SLIT1: variants seen among roughly 807,000 people sequenced by gnomAD.
SLIT1 encodes the protein slit guidance ligand 1.
Under a neutral mutation model 186.1 loss-of-function variants are expected in SLIT1, and 66 were observed. The observed-to-expected ratio is 0.35, with a 90% CI of 0.29 to 0.44. The LOEUF (loss-of-function observed/expected upper bound fraction) is 0.44, where lower values mean the gene tolerates loss of function less well. Among genes scored for constraint, SLIT1 ranks in the 20% least tolerant of loss-of-function variants. SLIT1 has a pLI of 1.00. For synonymous variants in SLIT1, 761 were observed against 833.8 expected (o/e 0.91, Z 1.50); for missense variants, 1,638 against 2,037.4 (o/e 0.80, Z 3.77).
Position 97,004,033 on chromosome 10 carries a change from C to A in SLIT1, c.3865+35G>T. ...CTCTCCTGGCTGGCCTCAGGCCAGA[C>A]AGCAAAAGAGGCCCCGCCAGGGCCA... is the stretch of plus-strand genomic sequence containing the variant. On this transcript the variant is annotated intron_variant, in intron 34 of 36. Coordinates refer to ENST00000266058, the MANE Select transcript of SLIT1 (RefSeq NM_003061.3). The surrounding 1 kb of genome is among the most constrained non-coding windows in gnomAD (Gnocchi z 5.1). The A allele has an allele frequency of 6.3e-7, 1 of 1,577,778 alleles. No individual in the cohort carries two copies. The highest frequency in any genetic ancestry group is 8.7e-7 in the Non-Finnish European group (1 of 1,153,858).
intron 1 of SLIT1, among the ~76,000 whole-genome samples, chr10:97,175,464 C>T (rs1023254960): frequency 3.3e-5 from 5 of 152,074 alleles, no homozygotes; most frequent in Admixed American, 1.3e-4. Context: ...TTTGAGGAAC[C>T]GCCATACTGT....
intron 4 of SLIT1, among the ~76,000 whole-genome samples, chr10:97,140,509 C>A (rs964970910): frequency 1.2e-4 from 19 of 152,220 alleles, no homozygotes; most frequent in African/African-American, 4.3e-4. Context: ...TTGCCTGGAG[C>A]CCCTCATTCT....
At chr10:97,099,622 G>A (rs530671399) in intron 4 of SLIT1, among the ~76,000 whole-genome samples, 1 of 152,186 alleles carries the variant, frequency 6.6e-6, no homozygotes. Context: ...GTGTGTGTCA[G>A]GTGTGCAGGG....
chr10:97,165,899 G>A (rs761111664), intron 1 of SLIT1, among the ~76,000 whole-genome samples: 5 of 151,880 alleles, frequency 3.3e-5, no homozygotes, highest in Non-Finnish European at 5.9e-5. Flanking sequence ...ACCCAGCCTC[G>A]CTCAGCCTCA....
At chr10:97,185,395 GC>G (rs1297089604) in intron 1 of SLIT1, 82 bp downstream of exon 1, 26 of 1,385,224 alleles carry the variant, frequency 1.9e-5, no homozygotes, top group Non-Finnish European at 2.2e-5. Context: ...CAATGGTCCT[GC>G]CCCCACCCCC....
chr10:97,071,320 C>T (rs896751641), intron 4 of SLIT1, among the ~76,000 whole-genome samples: 29 of 152,224 alleles, frequency 1.9e-4, no homozygotes, highest in Admixed American at 1.2e-3. Flanking sequence ...GGCCTGAGGA[C>T]GTCCACAGAG....
chr10:97,115,053 A>C (rs1209054508), intron 4 of SLIT1, among the ~76,000 whole-genome samples: 3 of 152,226 alleles, frequency 2.0e-5, no homozygotes, highest in Non-Finnish European at 4.4e-5. Flanking sequence ...GTAGATGCTC[A>C]GCAAATAGCA....
intron 1 of SLIT1, among the ~76,000 whole-genome samples, chr10:97,169,232 GCTCT>G (rs1418301110): frequency 7.9e-5 from 12 of 152,160 alleles, no homozygotes; most frequent in African/African-American, 2.9e-4. Context: ...CATCAGCCTT[GCTCT>G]CTAACGCAGA....
chr10:97,133,084 C>CAA (rs1261779121), intron 4 of SLIT1, among the ~76,000 whole-genome samples: 1 of 152,166 alleles, frequency 6.6e-6, no homozygotes, highest in East Asian at 1.9e-4. Flanking sequence ...AGCTTTATCA[C>CAA]AAGAGCCAGA....
At chr10:97,178,775 AAG>A (rs893153649) in intron 1 of SLIT1, among the ~76,000 whole-genome samples, 1 of 112,050 alleles carries the variant, frequency 8.9e-6, no homozygotes, top group Non-Finnish European at 1.9e-5. Flanking sequence ...CGATAGAGAG[AAG>A]AGAGAGAGAG....
At chr10:97,140,680 G>C (rs79622710) in intron 4 of SLIT1, among the ~76,000 whole-genome samples, 3 of 152,316 alleles carry the variant, frequency 2.0e-5, no homozygotes, top group Non-Finnish European at 4.4e-5. Flanking sequence ...GACTTCAAAG[G>C]GGGAAATGAG....
At chr10:97,042,304 C>T (rs1848697002) in intron 20 of SLIT1, among the ~76,000 whole-genome samples, 1 of 152,140 alleles carries the variant, frequency 6.6e-6, no homozygotes, top group Admixed American at 6.5e-5. Flanking sequence ...GAGAAATTCC[C>T]TGCGGCAGGG....
intron 31 of SLIT1, among the ~76,000 whole-genome samples, chr10:97,007,627 T>C (rs1848371564): frequency 6.6e-6 from 1 of 152,136 alleles, no homozygotes. Flanking sequence ...AATGCAAGGC[T>C]GGTTTGACCT....
chr10:97,033,788 C>G (rs548278221), intron 23 of SLIT1, among the ~76,000 whole-genome samples: 1 of 151,528 alleles, frequency 6.6e-6, no homozygotes, highest in South Asian at 2.1e-4. Context: ...AAAGTCAGGA[C>G]AGCAGCTGCC....
rs147390423 is a variant in SLIT1, at chr10:97,174,863, T to A, written c.198-9973A>T. Among the ~76,000 whole-genome samples, 594 of 152,272 alleles carry A rather than the reference T, an allele frequency of 3.9e-3. 1 individual carries two copies. Among genetic ancestry groups the A allele is most frequent in the African/African-American group, 0.013 (557 of 41,550 alleles). ...CAGGACCCAGCTCTTTTTAAAAAAA[T>A]AATAATAATAATTAGTTGTTAATTG... On this transcript the variant is annotated intron_variant, in intron 1 of 36. Coordinates refer to ENST00000266058, the MANE Select transcript of SLIT1 (RefSeq NM_003061.3).
Position 97,109,016 on chromosome 10 carries a change from C to T in SLIT1, c.414-42930G>A, listed in dbSNP as rs200970793. Among the ~76,000 whole-genome samples, 5 of 151,168 alleles carry T rather than the reference C, an allele frequency of 3.3e-5. No homozygotes were observed. The East Asian group carries it at 9.8e-4, about 29-fold the overall frequency. On this transcript the variant is annotated intron_variant, in intron 4 of 36. Coordinates refer to ENST00000266058, the MANE Select transcript of SLIT1 (RefSeq NM_003061.3). ...TCCTTTACTTCTTGAGCTTCGGTTT[C>T]CTCATCTGTAAACATGAAATAAAAA...
intron 31 of SLIT1, among the ~76,000 whole-genome samples, chr10:97,007,318 C>T (rs766353524): frequency 6.6e-6 from 1 of 152,118 alleles, no homozygotes; most frequent in Non-Finnish European, 1.5e-5. Context: ...AATCAGAAAA[C>T]TTCCCAGGCC....
intron 11 of SLIT1, 129 bp downstream of exon 11, chr10:97,059,331 G>A (rs1289430105): frequency 2.7e-6 from 2 of 729,958 alleles, no homozygotes; most frequent in African/African-American, 1.7e-5. Context: ...TGAGGCTGGG[G>A]TGGGCAGGGG....
chr10:97,130,051 C>T (rs890386866), intron 4 of SLIT1, among the ~76,000 whole-genome samples: 1 of 152,218 alleles, frequency 6.6e-6, no homozygotes, highest in East Asian at 1.9e-4. Flanking sequence ...GCAGGGCAGC[C>T]TCTCCGCCGC....
Sources: allele counts gnomAD v4.1 joint callset (sites outside exome capture counted in the v4.1 genomes callset), GRCh38; gene constraint gnomAD v4.1.1; non-coding constraint Gnocchi (gnomAD v3.1); transcripts MANE v1.5; gene names NCBI Gene and HGNC (gene_info 2026-07-23, HGNC 2026-07-21).